PPRC1: variants seen among roughly 807,000 people sequenced by gnomAD.
PPRC1 encodes peroxisome proliferator-activated receptor gamma coactivator-related protein 1.
In PPRC1, 23 loss-of-function variants were observed where a neutral mutation model predicts 132.5. The ratio of observed to expected loss-of-function variants is 0.17; its 90% CI spans 0.12 to 0.25. The LOEUF (loss-of-function observed/expected upper bound fraction) is 0.25. Among genes scored for constraint, PPRC1 ranks in the 10% least tolerant of loss-of-function variants. The pLI is 1.00. For missense variants in PPRC1, 2,006 were observed against 2,089.1 expected (o/e 0.96, Z 0.78); for synonymous variants, 872 against 833.5 (o/e 1.05, Z -0.80).
Position 102,146,872 on chromosome 10 carries a change from G to C in PPRC1, c.3880G>C (p.Gly1294Arg). Residue 1294 changes from glycine (G) to arginine (R), a missense_variant, in exon 9 of 14, where the codon GGG becomes CGG. Gly to Arg is a moderately radical substitution (Grantham distance 125). Transcript: ENST00000278070. ...CCCTAGTCGAGTCCATGTGGGCTCT[G>C]GGGACCATGACTATTGTGTCCGGAG... Reference protein sequence around the residue: ...HGPSRVHVGSGDHDYCVRSRT... With the variant: ...HGPSRVHVGSRDHDYCVRSRT... 1 of 1,614,036 alleles carries C rather than the reference G, an allele frequency of 6.2e-7. No homozygotes were observed. Among genetic ancestry groups the C allele is most frequent in the Non-Finnish European group, 8.5e-7 (1 of 1,179,972 alleles).
chr10:102,120,388 CGCGTGTGCGTGT>C, the PPRC1 span: 1 of 984,260 alleles, frequency 1.0e-6, no homozygotes, highest in Non-Finnish European at 1.2e-6. Flanking sequence ...TGCGTGTGTG[CGCGTGTGCGTGT>C]GCGTGTCTGT....
chr10:102,121,183 A>G, the PPRC1 span, among the ~76,000 whole-genome samples: 2 of 151,910 alleles, frequency 1.3e-5, no homozygotes, highest in African/African-American at 4.8e-5. Flanking sequence ...TGGATTACGG[A>G]GGGGCGATAG....
Position 102,137,885 on chromosome 10 carries a change from T to C in PPRC1, c.189T>C (p.Phe63=). 1 of 1,614,096 alleles carries C rather than the reference T, an allele frequency of 6.2e-7. No individual in the cohort carries two copies. The highest frequency in any genetic ancestry group is 8.5e-7 in the Non-Finnish European group (1 of 1,179,988). The stretch of plus-strand genomic sequence containing the variant: ...ATGAGGAGGCGGGTGATTCTGGCTT[T>C]GTCAGTCTCTCTCGGCTGGGCCCAT... ...LLHEEAGDSG[F]VSLSRLGPSL... is the part of the protein sequence containing the mutation. Residue 63 remains phenylalanine (F), a synonymous_variant, in exon 2 of 14, where the codon TTT becomes TTC. Coordinates refer to ENST00000278070, the MANE Select transcript of PPRC1 (RefSeq NM_015062.5).
At chr10:102,142,072 A>T (rs1242176140) in intron 5 of PPRC1, 68 bp downstream of exon 5, 1 of 1,491,138 alleles carries the variant, frequency 6.7e-7, no homozygotes, top group East Asian at 2.3e-5. Flanking sequence ...AGGATAAGCC[A>T]CCCTGATGAG....
At chr10:102,133,643 C>A (rs2068607704) in intron 1 of PPRC1, among the ~76,000 whole-genome samples, 1 of 152,044 alleles carries the variant, frequency 6.6e-6, no homozygotes, top group Non-Finnish European at 1.5e-5. Context: ...GCCCGGGCAT[C>A]CACGTGGGTC....
intron 5 of PPRC1, among the ~76,000 whole-genome samples, chr10:102,142,704 G>A (rs1277068065): frequency 3.3e-5 from 5 of 151,986 alleles, no homozygotes; most frequent in Admixed American, 2.6e-4. Flanking sequence ...GTAAGCCACC[G>A]CCCTTGGCCT....
chr10:102,129,182 C>T (rs1448021730), upstream of PPRC1, among the ~76,000 whole-genome samples: 4 of 152,058 alleles, frequency 2.6e-5, no homozygotes, highest in East Asian at 1.9e-4. Flanking sequence ...CCGCCCGCCT[C>T]GGCCTCCCAA....
At position 102,149,328 on chromosome 10, in the gene PPRC1, T is replaced by C. The variant is rs1484371154; in HGVS notation, c.4890T>C (p.Leu1630=). ...RQFCKRSYSD[L]DSNREDFDPA... ...TCTGCAAGAGGAGCTATTCTGATCT[T>C]GGTGAGTGGAGGGAGGGCCTAAAGC... The change falls in exon 13 of 14, where the codon CTT becomes CTC. Residue 1630 remains leucine (L), a splice_region_variant and synonymous_variant. Coordinates refer to ENST00000278070, the MANE Select transcript of PPRC1 (RefSeq NM_015062.5). 6.3e-7 allele frequency: 1 copy of C among 1,582,044 alleles called. No homozygotes were observed. Among genetic ancestry groups the C allele is most frequent in the Non-Finnish European group, 8.6e-7 (1 of 1,162,228 alleles).
At chr10:102,134,387 T>A (rs1590315091) in intron 1 of PPRC1, among the ~76,000 whole-genome samples, 1 of 152,130 alleles carries the variant, frequency 6.6e-6, no homozygotes, top group South Asian at 2.1e-4. Context: ...GTTAGATATT[T>A]TTTTCTTGGC....
At chr10:102,147,486 C>CT in intron 9 of PPRC1, 94 bp downstream of exon 9, 1 of 1,420,234 alleles carries the variant, frequency 7.0e-7, no homozygotes, top group African/African-American at 1.4e-5. Context: ...GACTTTGGTA[C>CT]TTTCAGGCGC....
rs2069364036 is a variant in PPRC1 at position 102,148,481 on chromosome 10, C to T, written c.4510C>T (p.Arg1504Ter). Residue 1504 changes from arginine (R) to a stop codon, truncating the protein, a stop_gained, in exon 10 of 14, where the codon CGA becomes TGA. Transcript: ENST00000278070. LOFTEE classifies it high-confidence loss of function. The surrounding 1 kb of genome is among the most constrained non-coding windows in gnomAD (Gnocchi z 4.2). ...ATCATCCAGTTCTCGAAGCCGCTCA[C>T]GATCCCCATCCCCCCGCCGGAGAAG... ...SSSSSSRSRS[R>*]SPSPRRRSDR... 3 of 1,613,092 alleles carry T rather than the reference C, an allele frequency of 1.9e-6. No homozygotes were observed. Among genetic ancestry groups the T allele is most frequent in the South Asian group, 1.1e-5 (1 of 91,064 alleles).
rs2069367011 is a variant in PPRC1 at position 102,148,521 on chromosome 10, G to A, written c.4550G>A (p.Arg1517Gln). 2 of 1,613,184 alleles carry A rather than the reference G, an allele frequency of 1.2e-6. No homozygotes were observed. The highest frequency in any genetic ancestry group is 1.7e-6 in the Non-Finnish European group (2 of 1,179,142). Residue 1517 changes from arginine to glutamine, a missense_variant and splice_region_variant, in exon 10 of 14, where the codon CGG (arginine) becomes CAG (glutamine). Around this residue, in one of 2 missense-constraint regions of PPRC1, gnomAD observed 1,914 missense variants for 1,917.2 expected, o/e 1.00. Coordinates refer to ENST00000278070, the MANE Select transcript of PPRC1 (RefSeq NM_015062.5). The surrounding 1 kb of genome is among the most constrained non-coding windows in gnomAD (Gnocchi z 4.2). ...SPRRRSDRRRRYSSYRSHDHY... is the reference protein window; with the variant it reads ...SPRRRSDRRRQYSSYRSHDHY... The stretch of plus-strand genomic sequence containing the variant: ...CGCCGGAGAAGTGACAGGAGGCGGC[G>A]GTGAGCATGTGTTCAGGGAGCGCCA...
At chr10:102,134,208 C>T (rs2068636720) in intron 1 of PPRC1, among the ~76,000 whole-genome samples, 1 of 152,058 alleles carries the variant, frequency 6.6e-6, no homozygotes, top group Admixed American at 6.5e-5. Flanking sequence ...CTTTTTCCTC[C>T]AGCATCTCTT....
In PPRC1 at chr10:102,139,471, C is replaced by T. The variant is rs771091158; in HGVS notation, c.963C>T (p.Thr321=). 7.4e-6 allele frequency: 12 copies of T among 1,613,924 alleles called. No homozygotes were observed. The highest frequency in any genetic ancestry group is 2.2e-5 in the East Asian group (1 of 44,902). Residue 321 remains threonine, a synonymous_variant, in exon 5 of 14, where the codon ACC becomes ACT. Transcript: ENST00000278070. ...AMHPYCLPNL[T]HLASLEDELQ... ...ACCCATACTGCCTGCCCAACCTCAC[C>T]CACCTGGCATCACTTGAGGATGAGC...
At chr10:102,145,543 C>T (rs2069187089) in intron 8 of PPRC1, among the ~76,000 whole-genome samples, 1 of 146,436 alleles carries the variant, frequency 6.8e-6, no homozygotes, top group Non-Finnish European at 1.5e-5. Context: ...TGCACTCCAG[C>T]CTGGGGGACA....
In PPRC1 at chr10:102,148,551, C is replaced by T; in HGVS notation, c.4550+30C>T. The T allele has an allele frequency of 5.0e-6, 8 of 1,612,590 alleles. No homozygotes were observed. Among genetic ancestry groups the T allele is most frequent in the African/African-American group, 1.3e-5 (1 of 74,970 alleles). On this transcript the variant is annotated intron_variant, in intron 10 of 13. Transcript: ENST00000278070. This position sits in a 1 kb window ranked among gnomAD's most constrained non-coding sequence, Gnocchi z 4.2. The stretch of plus-strand genomic sequence containing the variant: ...GCATGTGTTCAGGGAGCGCCATGCA[C>T]CTGGGATGCAGGTGCCTAAGAGTTG...
In PPRC1 at chr10:102,139,229, C is replaced by G. The variant is rs368509236; in HGVS notation, c.721C>G (p.Gln241Glu). Residue 241 changes from glutamine (Q) to glutamate (E), a missense_variant, in exon 5 of 14, where the codon CAG (glutamine) becomes GAG (glutamate). Coordinates refer to ENST00000278070, the MANE Select transcript of PPRC1 (RefSeq NM_015062.5). The stretch of plus-strand genomic sequence containing the variant: ...ACGCTGGGGCCAATCCCCACCTCCC[C>G]AGCAGCGCAGTGATGGAGAAGAAGA... ...RPRWGQSPPP[Q>E]QRSDGEEEEE... 1.2e-5 allele frequency: 19 copies of G among 1,614,192 alleles called. No individual in the cohort carries two copies. The East Asian group carries it at 4.0e-4, about 34-fold the overall frequency.
chr10:102,131,360 G>T (rs917044331), upstream of PPRC1, among the ~76,000 whole-genome samples: 2 of 151,474 alleles, frequency 1.3e-5, no homozygotes, highest in Non-Finnish European at 2.9e-5. Context: ...TGCAGCCCTG[G>T]GTGACAGAGT....
intron 8 of PPRC1, among the ~76,000 whole-genome samples, chr10:102,145,890 A>C (rs912813907): frequency 3.9e-5 from 6 of 152,190 alleles, no homozygotes; most frequent in Admixed American, 6.5e-5. Context: ...ACAAAAAAAA[A>C]CAACCATGGA....
Sources: allele counts gnomAD v4.1 joint callset (sites outside exome capture counted in the v4.1 genomes callset), GRCh38; gene constraint gnomAD v4.1.1; regional missense constraint gnomAD v4.1.1; non-coding constraint Gnocchi (gnomAD v3.1); transcripts MANE v1.5; gene names NCBI Gene and HGNC (gene_info 2026-07-23, HGNC 2026-07-21).